The following SLC39A9 variants were observed in gnomAD, a reference collection of about 807,000 sequenced individuals.
SLC39A9 encodes the protein zinc transporter ZIP9.
Under a neutral mutation model 28.4 loss-of-function variants are expected in SLC39A9, and 14 were observed. That is an observed-to-expected ratio of 0.49 (90% CI 0.33 to 0.77). SLC39A9 has a LOEUF of 0.77. SLC39A9 is among the 30% of genes least tolerant of loss of function. The pLI is 0.02. For synonymous variants in SLC39A9, 119 were observed against 149.6 expected (o/e 0.80, Z 1.49); for missense variants, 283 against 381.1 (o/e 0.74, Z 2.14).
At position 69,461,584 on chromosome 14, in the gene SLC39A9, G is replaced by A; in HGVS notation, c.*2991G>A. The A allele has an allele frequency of 6.6e-7, 1 of 1,508,578 alleles. No homozygotes were observed. Among genetic ancestry groups the A allele is most frequent in the South Asian group, 1.3e-5 (1 of 79,914 alleles). The allele number at this position is 1,508,578 out of a possible 1,614,324, so 93.4% of individuals were successfully genotyped here. A position where few individuals can be genotyped will look rare whatever the true frequency, so the allele number is the denominator to read the frequency against. On this transcript the variant is annotated 3_prime_UTR_variant, in exon 7 of 7. Coordinates refer to ENST00000336643, the MANE Select transcript of SLC39A9 (RefSeq NM_018375.5). The stretch of plus-strand genomic sequence containing the variant: ...ATTTTGAATCATTAGAGAAAAGAAA[G>A]GGAGTGGCTGTTTTGAGTTGTCCTT...
At chr14:69,401,743 G>A (rs1882646118) in intron 1 of SLC39A9, among the ~76,000 whole-genome samples, 1 of 152,084 alleles carries the variant, frequency 6.6e-6, no homozygotes, top group Non-Finnish European at 1.5e-5. Flanking sequence ...CCAGCTGTAG[G>A]TCTTAAAATG....
intron 1 of SLC39A9, among the ~76,000 whole-genome samples, 179 bp downstream of exon 1, chr14:69,399,644 G>T (rs1022435248): frequency 1.3e-5 from 2 of 152,152 alleles, no homozygotes; most frequent in African/African-American, 4.8e-5. Flanking sequence ...ATTCATTAGT[G>T]GAATTCTTAA....
Position 69,399,319 on chromosome 14 carries a change from G to A in SLC39A9, c.-51G>A. 1.3e-6 allele frequency: 2 copies of A among 1,527,470 alleles called. No homozygotes were observed. The highest frequency in any genetic ancestry group is 1.8e-6 in the Non-Finnish European group (2 of 1,104,934). 94.6% of individuals were successfully genotyped at this position (1,527,470 alleles called of 1,614,324 possible). ...TTAAAGAACCTAAGCACCATTTAAA[G>A]CCACTGGAAATTTGTTGTCTAGTGG... On this transcript the variant is annotated 5_prime_UTR_variant, in exon 1 of 7. Transcript: ENST00000336643.
intron 1 of SLC39A9, among the ~76,000 whole-genome samples, chr14:69,415,950 T>G (rs1433214521): frequency 1.3e-5 from 2 of 152,192 alleles, no homozygotes; most frequent in African/African-American, 4.8e-5. Flanking sequence ...TTTTAAGTTA[T>G]AGGGTACATG....
chr14:69,425,384 T>A (rs1306241716), intron 2 of SLC39A9, among the ~76,000 whole-genome samples: 3 of 152,182 alleles, frequency 2.0e-5, no homozygotes, highest in African/African-American at 7.2e-5. Flanking sequence ...ATCCTAACAT[T>A]TGTCCTTTTA....
In SLC39A9 at chr14:69,458,866, A is replaced by T; in HGVS notation, c.*273A>T. 5 of 1,159,130 alleles carry T rather than the reference A, an allele frequency of 4.3e-6. No homozygotes were observed. The highest frequency in any genetic ancestry group is 5.3e-6 in the Non-Finnish European group (5 of 939,970). 71.8% of individuals were successfully genotyped at this position (1,159,130 alleles called of 1,614,324 possible). A position where few individuals can be genotyped will look rare whatever the true frequency, so the allele number is the denominator to read the frequency against. On this transcript the variant is annotated 3_prime_UTR_variant, in exon 7 of 7. Coordinates refer to ENST00000336643, the MANE Select transcript of SLC39A9 (RefSeq NM_018375.5). ...GCGTTTTAATATTTCTCTTAACCCT[A>T]TTCTCAGGGAAGATGGAATTTAGTT...
At chr14:69,453,335 C>T in intron 4 of SLC39A9, 26 bp downstream of exon 4, 1 of 1,605,934 alleles carries the variant, frequency 6.2e-7, no homozygotes, top group Non-Finnish European at 8.5e-7. Flanking sequence ...AGTGGAACTT[C>T]TTTGTTTTCT....
At chr14:69,416,009 T>TAAC (rs1201795230) in intron 1 of SLC39A9, among the ~76,000 whole-genome samples, 1 of 152,074 alleles carries the variant, frequency 6.6e-6, no homozygotes, top group African/African-American at 2.4e-5. Flanking sequence ...CCATGTTGGT[T>TAAC]TGCTGCACCC....
At chr14:69,451,662 C>A (rs2139447434) in intron 3 of SLC39A9, among the ~76,000 whole-genome samples, 1 of 152,302 alleles carries the variant, frequency 6.6e-6, no homozygotes, top group African/African-American at 2.4e-5. Flanking sequence ...CTGCATAGAT[C>A]ACTAGGTCTA....
chr14:69,443,020 A>C (rs765478367), intron 3 of SLC39A9, among the ~76,000 whole-genome samples: 3 of 152,222 alleles, frequency 2.0e-5, no homozygotes, highest in Non-Finnish European at 4.4e-5. Flanking sequence ...AGAATTCCCC[A>C]AGACTTTTCA....
intron 1 of SLC39A9, among the ~76,000 whole-genome samples, chr14:69,409,177 A>G (rs1431072989): frequency 6.6e-6 from 1 of 152,280 alleles, no homozygotes; most frequent in Non-Finnish European, 1.5e-5. Context: ...CAACTGTTCA[A>G]TTAGAATCAC....
chr14:69,445,206 G>C (rs1414972527), intron 3 of SLC39A9, among the ~76,000 whole-genome samples: 3 of 151,970 alleles, frequency 2.0e-5, no homozygotes, highest in Non-Finnish European at 4.4e-5. Context: ...TTCAATAAAA[G>C]TTACACTGAG....
chr14:69,415,370 A>G (rs1274924201), intron 1 of SLC39A9, among the ~76,000 whole-genome samples: 1 of 152,150 alleles, frequency 6.6e-6, no homozygotes, highest in African/African-American at 2.4e-5. Flanking sequence ...CATTTTTCTG[A>G]TGACTAAATG....
At position 69,450,686 on chromosome 14, in the gene SLC39A9, G is replaced by A. The variant is rs567505233; in HGVS notation, c.404-2555G>A. ...ACAGCTACTCAGGTGGCTGAGATGC[G>A]AGGGAGAATCATTTCAGTTCGAGGC... On this transcript the variant is annotated intron_variant, in intron 3 of 6. Transcript: ENST00000336643. 3.9e-5 allele frequency among the ~76,000 whole-genome samples: 6 copies of A among 152,258 alleles called. No individual in the cohort carries two copies. In the South Asian group the frequency reaches 6.2e-4, roughly 16 times the overall value.
At chr14:69,440,353 G>GT (rs1884983077) in intron 2 of SLC39A9, among the ~76,000 whole-genome samples, 1 of 152,092 alleles carries the variant, frequency 6.6e-6, no homozygotes, top group Non-Finnish European at 1.5e-5. Context: ...GGAGGTCAAG[G>GT]TGGGCGGATC....
intron 5 of SLC39A9, 59 bp downstream of exon 5, chr14:69,454,956 A>C: frequency 7.8e-7 from 1 of 1,279,508 alleles, no homozygotes; most frequent in Non-Finnish European, 1.1e-6. Flanking sequence ...AAAATTTCTC[A>C]TGGTCCTTAA....
At position 69,444,191 on chromosome 14, in the gene SLC39A9, A is replaced by C. The variant is rs184207454; in HGVS notation, c.403+1925A>C. Among the ~76,000 whole-genome samples the C allele has an allele frequency of 2.0e-3, 305 of 151,968 alleles. 1 individual carries two copies. Among genetic ancestry groups the C allele is most frequent in the African/African-American group, 7.1e-3 (294 of 41,406 alleles). ...GAGCAAGAGAACAAGATCCCATCTC[A>C]AAAAAAATAAAGACAAAGGAAATGC... On this transcript the variant is annotated intron_variant, in intron 3 of 6. Coordinates refer to ENST00000336643, the MANE Select transcript of SLC39A9 (RefSeq NM_018375.5).
chr14:69,408,521 A>G (rs906837478), intron 1 of SLC39A9, among the ~76,000 whole-genome samples: 57 of 152,330 alleles, frequency 3.7e-4, no homozygotes, highest in African/African-American at 1.4e-3. Flanking sequence ...CCTGGGAGTC[A>G]TTAGGGAGAA....
chr14:69,434,364 G>A (rs75975303), intron 2 of SLC39A9, among the ~76,000 whole-genome samples: 4 of 150,500 alleles, frequency 2.7e-5, no homozygotes, highest in South Asian at 2.1e-4. Context: ...GATTACAGGC[G>A]TGAGCCACCA....
Sources: gnomAD v4.1 joint callset for allele counts (sites outside exome capture counted in the v4.1 genomes callset) on GRCh38, gnomAD v4.1.1 for gene constraint, MANE v1.5 for transcripts, NCBI Gene and HGNC (gene_info 2026-07-23, HGNC 2026-07-21) for gene names.